The following EBF1 variants were observed in gnomAD, a reference collection of about 807,000 sequenced individuals.
EBF1 encodes the protein EBF transcription factor 1, also known as transcription factor COE1.
A neutral mutation model predicts 68.4 loss-of-function variants in EBF1; 10 were observed. The observed-to-expected ratio is 0.15, with a 90% confidence interval of 0.09 to 0.25. The LOEUF (loss-of-function observed/expected upper bound fraction) is 0.25, where lower values mean the gene tolerates loss of function less well. EBF1 is among the 10% of genes least tolerant of loss of function. The pLI is 1.00. For missense variants in EBF1, 509 were observed against 794.4 expected (o/e 0.64, Z 4.32); for synonymous variants, 298 against 299.8 (o/e 0.99, Z 0.06).
rs1201797134 is a variant in EBF1, at chr5:159,057,197, C to A, written c.554+16199G>T. Among the ~76,000 whole-genome samples, 4 of 150,964 alleles carry A rather than the reference C, an allele frequency of 2.6e-5. No individual in the cohort carries two copies. The South Asian group carries it at 8.4e-4, about 32-fold the overall frequency. On this transcript the variant is annotated intron_variant, in intron 6 of 15. Coordinates refer to ENST00000313708, the MANE Select transcript of EBF1 (RefSeq NM_024007.5). ...TCTTGGCTCACTGCAACCTCCGCCT[C>A]CTGGGTTCAAGTGATTCTCCTGCCT...
chr5:159,047,809 C>T (rs898628016), intron 6 of EBF1, among the ~76,000 whole-genome samples: 2 of 152,140 alleles, frequency 1.3e-5, no homozygotes, highest in Non-Finnish European at 2.9e-5. Flanking sequence ...CTTTCCAAAA[C>T]TTTTAGTAAA....
chr5:158,939,851 G>A (rs1812865008), intron 6 of EBF1, among the ~76,000 whole-genome samples: 1 of 152,176 alleles, frequency 6.6e-6, no homozygotes, highest in Non-Finnish European at 1.5e-5. Flanking sequence ...CAGAGCCCAG[G>A]ATCCCACAGA....
At chr5:159,014,318 T>C (rs1262154390) in intron 6 of EBF1, among the ~76,000 whole-genome samples, 1 of 152,216 alleles carries the variant, frequency 6.6e-6, no homozygotes, top group African/African-American at 2.4e-5. Context: ...CTAGTGACTA[T>C]GTTACCATGT....
At chr5:158,980,078 A>T (rs1239488186) in intron 6 of EBF1, among the ~76,000 whole-genome samples, 4 of 152,234 alleles carry the variant, frequency 2.6e-5, no homozygotes, top group Non-Finnish European at 4.4e-5. Context: ...GTTCAGCCAT[A>T]GAGAGAAAAA....
intron 5 of EBF1, among the ~76,000 whole-genome samples, chr5:159,077,630 C>A (rs1779007998): frequency 2.0e-5 from 3 of 151,376 alleles, no homozygotes; most frequent in Admixed American, 6.6e-5. Context: ...AGTATGCCAT[C>A]AGGAAATATT....
intron 6 of EBF1, among the ~76,000 whole-genome samples, chr5:158,979,679 GAAA>G (rs142047197): frequency 6.9e-6 from 1 of 144,918 alleles, no homozygotes; most frequent in Non-Finnish European, 1.5e-5. Context: ...AATTTTTAAG[GAAA>G]AAAAAAAAGC....
chr5:158,696,347 A>C lies in EBF1; in HGVS notation c.*2764T>G. 4.5e-6 allele frequency: 1 copy of C among 222,264 alleles called. No individual in the cohort carries two copies. The highest frequency in any genetic ancestry group is 9.0e-6 in the Non-Finnish European group (1 of 111,198). The allele number at this position is 222,264 out of a possible 1,614,324, so 13.8% of individuals were successfully genotyped here. A position where few individuals can be genotyped will look rare whatever the true frequency, so the allele number is the denominator to read the frequency against. On this transcript the variant is annotated 3_prime_UTR_variant, in exon 16 of 16. Coordinates refer to ENST00000313708, the MANE Select transcript of EBF1 (RefSeq NM_024007.5). ...GTCTTTTCATCTAATCAATAGAAAT[A>C]GAAGCAACAAAACACAAATTATACA... is the stretch of plus-strand genomic sequence containing the variant.
chr5:158,956,910 C>T (rs1361851042), intron 6 of EBF1, among the ~76,000 whole-genome samples: 2 of 152,134 alleles, frequency 1.3e-5, no homozygotes, highest in African/African-American at 2.4e-5. Context: ...AGGCGCCTGC[C>T]ACCACGCCCA....
chr5:158,741,120 T>C (rs1766287496), intron 10 of EBF1, among the ~76,000 whole-genome samples: 1 of 152,248 alleles, frequency 6.6e-6, no homozygotes, highest in Non-Finnish European at 1.5e-5. Context: ...TAGTGAAACA[T>C]GTGTTCCTGG....
intron 6 of EBF1, among the ~76,000 whole-genome samples, chr5:158,978,740 T>C (rs1019268927): frequency 5.9e-5 from 9 of 151,768 alleles, no homozygotes; most frequent in African/African-American, 2.2e-4. Flanking sequence ...ATTGTTTGAT[T>C]TTTCTTTGGG....
chr5:158,983,834 T>G (rs1290776267), intron 6 of EBF1: 1 of 151,778 alleles, frequency 6.6e-6, no homozygotes, highest in Non-Finnish European at 1.5e-5. Flanking sequence ...ATAGTAATTT[T>G]TATAAGTACC....
chr5:159,038,794 A>T (rs969136854), intron 6 of EBF1, among the ~76,000 whole-genome samples: 1 of 152,122 alleles, frequency 6.6e-6, no homozygotes, highest in African/African-American at 2.4e-5. Flanking sequence ...AGTCTCAGAA[A>T]TTCCACCCTA....
intron 5 of EBF1, among the ~76,000 whole-genome samples, chr5:159,081,441 C>A (rs181715063): frequency 1.3e-5 from 2 of 152,314 alleles, no homozygotes; most frequent in African/African-American, 4.8e-5. Context: ...GGACTATCTG[C>A]AGTTTCAGGC....
At chr5:158,776,684 T>A (rs2127676010) in intron 10 of EBF1, among the ~76,000 whole-genome samples, 2 of 152,276 alleles carry the variant, frequency 1.3e-5, no homozygotes, top group Middle Eastern at 3.4e-3. Flanking sequence ...TCACCTGGGA[T>A]TGCTTAAGAA....
At chr5:158,751,334 C>G (rs570611963) in intron 10 of EBF1, among the ~76,000 whole-genome samples, 3 of 151,708 alleles carry the variant, frequency 2.0e-5, no homozygotes, top group African/African-American at 7.3e-5. Flanking sequence ...ACACATGTTG[C>G]GTTTGCCCCT....
At chr5:158,824,391 T>C (rs1396217754) in intron 7 of EBF1, among the ~76,000 whole-genome samples, 1 of 152,216 alleles carries the variant, frequency 6.6e-6, no homozygotes, top group Non-Finnish European at 1.5e-5. Flanking sequence ...TAGATTGACA[T>C]GCAGATTAAT....
At chr5:158,763,437 A>C (rs1217681739) in intron 10 of EBF1, among the ~76,000 whole-genome samples, 1 of 152,168 alleles carries the variant, frequency 6.6e-6, no homozygotes, top group Non-Finnish European at 1.5e-5. Context: ...GCGTAACTCC[A>C]CTTCACCCAC....
intron 15 of EBF1, among the ~76,000 whole-genome samples, chr5:158,706,068 G>A (rs1053541706): frequency 5.3e-5 from 8 of 152,198 alleles, no homozygotes; most frequent in African/African-American, 1.9e-4. Context: ...TGTACTGAGG[G>A]TGACAAAGCA....
intron 6 of EBF1, among the ~76,000 whole-genome samples, chr5:158,941,989 C>T (rs969613506): frequency 6.6e-6 from 1 of 152,116 alleles, no homozygotes; most frequent in Admixed American, 6.5e-5. Flanking sequence ...TCTGAGGAAA[C>T]AAAAGGCATG....
Sources: allele counts gnomAD v4.1 joint callset (sites outside exome capture counted in the v4.1 genomes callset), GRCh38; gene constraint gnomAD v4.1.1; transcripts MANE v1.5; gene names NCBI Gene and HGNC (gene_info 2026-07-23, HGNC 2026-07-21).